The following MEIS3 variants were observed in gnomAD, a reference collection of about 807,000 sequenced individuals.
MEIS3 encodes homeobox protein Meis3.
In MEIS3, 38 loss-of-function variants were observed where a neutral mutation model predicts 51.4. The ratio of observed to expected loss-of-function variants is 0.74; its 90% CI spans 0.57 to 0.97. MEIS3 has a LOEUF of 0.97. Among genes scored for constraint, MEIS3 ranks in the 50% least tolerant of loss-of-function variants. MEIS3 has a pLI of 0.00. For missense variants in MEIS3, 456 were observed against 502.6 expected (o/e 0.91, Z 0.89); for synonymous variants, 198 against 201.8 (o/e 0.98, Z 0.16).
intron 1 of MEIS3, chr19:47,418,751 A>C (rs1463229288): frequency 4.6e-6 from 1 of 217,698 alleles, no homozygotes; most frequent in Non-Finnish European, 8.2e-6. Context: ...AAGAGGGGGG[A>C]GACCAGGGAC....
chr19:47,409,353 C>T, intron 7 of MEIS3, 83 bp downstream of exon 7: 1 of 1,574,972 alleles, frequency 6.3e-7, no homozygotes. Flanking sequence ...GCCATCTCTG[C>T]CCCTCTACAA....
At chr19:47,421,316 G>A (rs764691563), upstream of MEIS3, among the ~76,000 whole-genome samples, 3 of 152,132 alleles carry the variant, frequency 2.0e-5, no homozygotes, top group Admixed American at 1.3e-4. Flanking sequence ...AGCACGGGCT[G>A]GGCGATCTCT....
Position 47,419,236 on chromosome 19 carries a change from G to C in MEIS3, c.-155C>G. The C allele has an allele frequency of 2.5e-6, 1 of 408,100 alleles. No homozygotes were observed. The highest frequency in any genetic ancestry group is 4.0e-6 in the Non-Finnish European group (1 of 252,422). 25.3% of individuals were successfully genotyped at this position (408,100 alleles called of 1,614,324 possible). A position where few individuals can be genotyped will look rare whatever the true frequency, so the allele number is the denominator to read the frequency against. On this transcript the variant is annotated 5_prime_UTR_variant, in exon 1 of 13. Transcript: ENST00000558555. ...CCCCCCCACCCCCGCCGCCGTCAGC[G>C]GCAGGCGCCGGGCCGGGTGGGGACT... is the stretch of plus-strand genomic sequence containing the variant.
upstream of MEIS3, among the ~76,000 whole-genome samples, chr19:47,421,273 T>C (rs957033861): frequency 6.6e-6 from 1 of 152,120 alleles, no homozygotes; most frequent in Non-Finnish European, 1.5e-5. Flanking sequence ...GAGCCCTCTA[T>C]GAGTAGATCT....
chr19:47,420,531 G>GAC (rs1555744473), upstream of MEIS3, among the ~76,000 whole-genome samples: 50 of 141,912 alleles, frequency 3.5e-4, no homozygotes, highest in South Asian at 6.5e-4. Flanking sequence ...CAGAGAGAGA[G>GAC]AGAGACAGAG....
At chr19:47,415,870 G>C (rs1451093387) in intron 4 of MEIS3, 1 of 151,932 alleles carries the variant, frequency 6.6e-6, no homozygotes, top group African/African-American at 2.4e-5. Context: ...ACCGCACCCG[G>C]CCCTCTTTTT....
chr19:47,411,178 C>CCA (rs1369364969), intron 6 of MEIS3, among the ~76,000 whole-genome samples: 1 of 152,140 alleles, frequency 6.6e-6, no homozygotes, highest in Non-Finnish European at 1.5e-5. Context: ...CTCAAGTGAT[C>CCA]CACCCACTTC....
At chr19:47,408,751 T>C (rs1401332958) in intron 8 of MEIS3, among the ~76,000 whole-genome samples, 1 of 152,186 alleles carries the variant, frequency 6.6e-6, no homozygotes, top group African/African-American at 2.4e-5. Flanking sequence ...GCAAGTCTCC[T>C]AACCTCTCTG....
In MEIS3 at chr19:47,403,262, C is replaced by T. The variant is rs1970668846; in HGVS notation, c.*309G>A. On this transcript the variant is annotated 3_prime_UTR_variant, in exon 13 of 13. Transcript: ENST00000558555. ...TCCCTGACTGCCCAGCCACCCCGTC[C>T]CTTCTCTGTCCTGGCGGCGAGGCCC... is the stretch of plus-strand genomic sequence containing the variant. 5 of 349,334 alleles carry T rather than the reference C, an allele frequency of 1.4e-5. No homozygotes were observed. The highest frequency in any genetic ancestry group is 7.8e-5 in the Admixed American group (2 of 25,686). 21.6% of individuals were successfully genotyped at this position (349,334 alleles called of 1,614,324 possible). A position where few individuals can be genotyped will look rare whatever the true frequency, so the allele number is the denominator to read the frequency against.
At chr19:47,408,684 C>T (rs146798708) in intron 8 of MEIS3, among the ~76,000 whole-genome samples, 30 of 152,140 alleles carry the variant, frequency 2.0e-4, no homozygotes, top group Non-Finnish European at 3.4e-4. Context: ...CAGTATGGTG[C>T]GGTGGTTAAG....
intron 12 of MEIS3, among the ~76,000 whole-genome samples, chr19:47,405,717 T>C (rs1042137909): frequency 3.3e-5 from 5 of 151,884 alleles, no homozygotes; most frequent in Admixed American, 6.6e-5. Context: ...ACCTGGCTAA[T>C]TTTTGTATTT....
At chr19:47,413,370 T>G (rs1971232769) in intron 6 of MEIS3, among the ~76,000 whole-genome samples, 1 of 150,594 alleles carries the variant, frequency 6.6e-6, no homozygotes, top group Admixed American at 6.6e-5. Context: ...TCCATTCCGG[T>G]CTGGGTGACA....
chr19:47,419,025 G>A, intron 1 of MEIS3, 45 bp downstream of exon 1: 1 of 1,232,696 alleles, frequency 8.1e-7, no homozygotes, highest in Non-Finnish European at 1.0e-6. Context: ...AGGGACAGGG[G>A]GTGCGGAAGC....
Position 47,419,124 on chromosome 19 carries a change from G to A in MEIS3, c.-43C>T. The A allele has an allele frequency of 1.5e-5, 18 of 1,229,240 alleles. No individual in the cohort carries two copies. The highest frequency in any genetic ancestry group is 1.8e-5 in the Non-Finnish European group (18 of 985,802). 76.1% of individuals were successfully genotyped at this position (1,229,240 alleles called of 1,614,324 possible). A position where few individuals can be genotyped will look rare whatever the true frequency, so the allele number is the denominator to read the frequency against. ...AGCTCCTGGGTCCCTCCAGAGCCTG[G>A]CCGCGGGGGAGGGCGCAGCCCGGGG... On this transcript the variant is annotated 5_prime_UTR_variant, in exon 1 of 13. Transcript: ENST00000558555.
At chr19:47,417,674 G>A in intron 1 of MEIS3, 1 of 702,808 alleles carries the variant, frequency 1.4e-6, no homozygotes, top group South Asian at 1.5e-5. Flanking sequence ...GAGACAGAGA[G>A]AGAGACAGAC....
At chr19:47,421,892 G>A (rs572333377), upstream of MEIS3, among the ~76,000 whole-genome samples, 58 of 143,488 alleles carry the variant, frequency 4.0e-4, no homozygotes, top group African/African-American at 1.4e-3. Context: ...CCCTCTCTCC[G>A]CCTCCCTGTC....
chr19:47,417,463 G>C (rs1971502090), intron 1 of MEIS3, 113 bp from the exon 2 acceptor site: 1 of 1,315,134 alleles, frequency 7.6e-7, no homozygotes, highest in Admixed American at 1.9e-5. Flanking sequence ...CTGTGTCCCA[G>C]AAACCTGCCT....
chr19:47,409,131 T>A lies in MEIS3; in HGVS notation c.826A>T (p.Ile276Phe). The change falls in exon 8 of 13, where the codon ATC becomes TTC. Residue 276 changes from isoleucine to phenylalanine, a missense_variant. Transcript: ENST00000558555. The part of the protein sequence containing the change: ...RGIFPKVATN[I>F]MRAWLFQHLS... ...TGCTGGAACAACCAGGCTCGCATGATGTTGGTGGCCACCTTGGGGAAGATC... is the reference window on the plus strand; with the variant it reads ...TGCTGGAACAACCAGGCTCGCATGAAGTTGGTGGCCACCTTGGGGAAGATC... 1 of 1,611,352 alleles carries A rather than the reference T, an allele frequency of 6.2e-7. No individual in the cohort carries two copies. The highest frequency in any genetic ancestry group is 8.5e-7 in the Non-Finnish European group (1 of 1,179,970).
chr19:47,420,896 T>TC (rs1447667573), upstream of MEIS3, among the ~76,000 whole-genome samples: 17 of 62,552 alleles, frequency 2.7e-4, no homozygotes, highest in Non-Finnish European at 5.8e-4. Context: ...TCTCTCGCTC[T>TC]CTCTCTCTCT....
Sources: gnomAD v4.1 joint callset for allele counts (sites outside exome capture counted in the v4.1 genomes callset) on GRCh38, gnomAD v4.1.1 for gene constraint, MANE v1.5 for transcripts, NCBI Gene and HGNC (gene_info 2026-07-23, HGNC 2026-07-21) for gene names.